Variants in ADGRB3 observed in about 807,000 individuals in gnomAD.
ADGRB3 encodes the protein brain-specific angiogenesis inhibitor 3.
ADGRB3 carries 37 observed loss-of-function variants against 193.4 expected under a neutral mutation model. The ratio of observed to expected loss-of-function variants is 0.19; its 90% CI spans 0.15 to 0.25. The LOEUF is 0.25. Ranked by LOEUF, ADGRB3 falls within the 10% of genes least tolerant of loss-of-function variation. The pLI is 1.00. For synonymous variants in ADGRB3, 690 were observed against 644.2 expected (o/e 1.07, Z -1.08); for missense variants, 1,637 against 1,852.9 (o/e 0.88, Z 2.14).
chr6:69,266,144 G>C (rs575918035), intron 20 of ADGRB3, among the ~76,000 whole-genome samples: 1 of 151,890 alleles, frequency 6.6e-6, no homozygotes, highest in African/African-American at 2.4e-5. Context: ...TTTAAAAGGA[G>C]TAAAGAAGAA....
At chr6:69,362,637 G>T (rs1769477821) in intron 29 of ADGRB3, among the ~76,000 whole-genome samples, 1 of 151,978 alleles carries the variant, frequency 6.6e-6, no homozygotes, top group Admixed American at 6.6e-5. Flanking sequence ...CCCTCAAACT[G>T]AGTAAGGCTT....
chr6:69,176,449 C>T (rs759729544), intron 17 of ADGRB3, among the ~76,000 whole-genome samples: 8 of 152,064 alleles, frequency 5.3e-5, no homozygotes, highest in Non-Finnish European at 1.0e-4. Context: ...TATTGATTTG[C>T]GTATGGTAAG....
intron 15 of ADGRB3, among the ~76,000 whole-genome samples, chr6:69,056,728 C>T (rs575052292): frequency 6.6e-6 from 1 of 152,242 alleles, no homozygotes; most frequent in African/African-American, 2.4e-5. Context: ...AGCCTTAGCA[C>T]CCTTGTCGAG....
In ADGRB3 at chr6:69,327,809, T is replaced by A; in HGVS notation, c.2966-11T>A. The A allele has an allele frequency of 6.2e-7, 1 of 1,604,778 alleles. No homozygotes were observed. The highest frequency in any genetic ancestry group is 1.7e-4 in the Middle Eastern group (1 of 6,010). ...GCTAAATATGAATGCGTGACATTGC[T>A]TTTCTTGCAGGTTTACCAGCATTAG... is the stretch of plus-strand genomic sequence containing the variant. On this transcript the variant is annotated splice_polypyrimidine_tract_variant and intron_variant, in intron 21 of 31. Transcript: ENST00000370598.
intron 11 of ADGRB3, among the ~76,000 whole-genome samples, chr6:69,010,834 G>T (rs1223069220): frequency 6.6e-6 from 1 of 151,238 alleles, no homozygotes; most frequent in Non-Finnish European, 1.5e-5. Context: ...AAAACTTACT[G>T]TAAGGTGTTG....
At chr6:68,675,380 A>C (rs1769064740) in intron 3 of ADGRB3, among the ~76,000 whole-genome samples, 1 of 152,216 alleles carries the variant, frequency 6.6e-6, no homozygotes, top group Admixed American at 6.5e-5. Flanking sequence ...AAAAGATTTA[A>C]AACTGGGGAT....
At chr6:69,243,514 TG>T (rs35157382) in intron 20 of ADGRB3, among the ~76,000 whole-genome samples, 12,405 of 151,948 alleles carry the variant, frequency 0.082, 605 homozygotes, top group Non-Finnish European at 0.11. Flanking sequence ...CTAAAAGATA[TG>T]GGATATAGGC....
At chr6:68,790,259 G>A (rs112913027) in intron 3 of ADGRB3, among the ~76,000 whole-genome samples, 1 of 146,420 alleles carries the variant, frequency 6.8e-6, no homozygotes, top group African/African-American at 2.8e-5. Context: ...CAGGGAGGCT[G>A]GGGGAGGGGT....
At chr6:69,114,628 T>A (rs531694052) in intron 17 of ADGRB3, among the ~76,000 whole-genome samples, 2 of 151,714 alleles carry the variant, frequency 1.3e-5, no homozygotes, top group African/African-American at 4.9e-5. Context: ...TCTTCTAGGG[T>A]TTTTATGGTT....
chr6:68,810,171 T>G (rs1328043596), intron 3 of ADGRB3, among the ~76,000 whole-genome samples: 1 of 152,186 alleles, frequency 6.6e-6, no homozygotes, highest in Non-Finnish European at 1.5e-5. Flanking sequence ...TGATAAGTGA[T>G]CAACAGCTAC....
At chr6:69,141,937 A>G (rs1030990739) in intron 17 of ADGRB3, among the ~76,000 whole-genome samples, 1 of 152,214 alleles carries the variant, frequency 6.6e-6, no homozygotes, top group Non-Finnish European at 1.5e-5. Context: ...ACTGAATTAC[A>G]TACATTGTCT....
chr6:68,968,820 A>G (rs570317382), intron 8 of ADGRB3, among the ~76,000 whole-genome samples: 2 of 152,278 alleles, frequency 1.3e-5, no homozygotes, highest in East Asian at 3.9e-4. Flanking sequence ...GTTGGCATTT[A>G]TAGAAACATG....
intron 17 of ADGRB3, among the ~76,000 whole-genome samples, chr6:69,215,590 C>A (rs568192195): frequency 2.1e-4 from 32 of 151,896 alleles, no homozygotes; most frequent in African/African-American, 7.7e-4. Flanking sequence ...CTAAACTCAA[C>A]CTTTTTTGCT....
chr6:68,702,909 C>T (rs1765266239), intron 3 of ADGRB3, among the ~76,000 whole-genome samples: 1 of 152,242 alleles, frequency 6.6e-6, no homozygotes, highest in African/African-American at 2.4e-5. Context: ...GTGGCTAGAA[C>T]TTGTACAGAA....
chr6:68,799,766 G>A (rs1767277659), intron 3 of ADGRB3, among the ~76,000 whole-genome samples: 3 of 152,144 alleles, frequency 2.0e-5, no homozygotes, highest in African/African-American at 7.2e-5. Context: ...TGATGCAGAT[G>A]TTCATATGAT....
intron 3 of ADGRB3, among the ~76,000 whole-genome samples, chr6:68,775,474 T>C (rs1189011575): frequency 6.6e-6 from 1 of 152,102 alleles, no homozygotes; most frequent in East Asian, 1.9e-4. Flanking sequence ...TGTGCAAGAC[T>C]TCCAGATAGC....
At chr6:68,823,673 T>G (rs1767788316) in intron 3 of ADGRB3, among the ~76,000 whole-genome samples, 1 of 152,090 alleles carries the variant, frequency 6.6e-6, no homozygotes, top group African/African-American at 2.4e-5. Context: ...GACTCATGCA[T>G]GATATACTCT....
At chr6:69,304,121 A>G (rs1485038827) in intron 20 of ADGRB3, among the ~76,000 whole-genome samples, 1 of 151,710 alleles carries the variant, frequency 6.6e-6, no homozygotes, top group African/African-American at 2.4e-5. Flanking sequence ...TTATATAATT[A>G]TTTTCTAATT....
At chr6:69,031,471 ACAT>A (rs1263438304) in intron 13 of ADGRB3, among the ~76,000 whole-genome samples, 1 of 138,136 alleles carries the variant, frequency 7.2e-6, no homozygotes, top group Non-Finnish European at 1.6e-5. Context: ...AGAGTTTCTT[ACAT>A]GTTAACATGT....
Sources: gnomAD v4.1 joint callset for allele counts (sites outside exome capture counted in the v4.1 genomes callset) on GRCh38, gnomAD v4.1.1 for gene constraint, MANE v1.5 for transcripts, NCBI Gene and HGNC (gene_info 2026-07-23, HGNC 2026-07-21) for gene names.